Variants in LSM8 observed in about 807,000 individuals in gnomAD.
The protein encoded by LSM8 is LSM8 homolog, U6 small nuclear RNA associated, also known as LSM8 U6 small nuclear RNA associated.
LSM8 carries 14 observed loss-of-function variants against 15.0 expected under a neutral mutation model. That is an observed-to-expected ratio of 0.93 (90% CI 0.62 to 1.46). The LOEUF is 1.46. LSM8 is among the 40% of genes most tolerant of loss of function. The probability of loss-of-function intolerance (pLI) is 0.00; values close to 1 mark genes in which losing one functional copy is unlikely to be tolerated. For missense variants in LSM8, 90 were observed against 115.4 expected, an observed-to-expected ratio of 0.78 and a Z score of 1.01; for synonymous variants, 50 against 42.1, an observed-to-expected ratio of 1.19 and a Z score of -0.73.
Position 118,184,195 on chromosome 7 carries a change from C to G in LSM8, c.-29C>G. The G allele has an allele frequency of 1.3e-6, 2 of 1,543,436 alleles. No homozygotes were observed. Among genetic ancestry groups the G allele is most frequent in the Admixed American group, 2.0e-5 (1 of 50,468 alleles). ...GTTCTGCTTGCTGTCGGCACCGCTG[C>G]GTTACCCGGAACCGCCGGGCCGAAC... On this transcript the variant is annotated 5_prime_UTR_variant, in exon 1 of 4. Coordinates refer to ENST00000249299, the MANE Select transcript of LSM8 (RefSeq NM_016200.5).
rs936295118 is a variant in LSM8, at chr7:118,203,676, T to C, written c.*11674T>C. On this transcript the variant is annotated 3_prime_UTR_variant, in exon 4 of 4. Transcript: ENST00000249299. ...AAGTCATCTGCCAGATCTAACATGG[T>C]ATACTCTAATGGAAAAATCATCAAG... Among the ~76,000 whole-genome samples the C allele has an allele frequency of 1.3e-5, 2 of 151,844 alleles. No homozygotes were observed. The highest frequency in any genetic ancestry group is 4.8e-5 in the African/African-American group (2 of 41,410).
At position 118,192,013 on chromosome 7, in the gene LSM8, C is replaced by T; in HGVS notation, c.*11C>T. Reference sequence around the variant, plus strand: ...TCTGTAGCACACTGAGGAAAAACTACATACTTGGACATCTGTAAATCTTTG... The same window carrying T: ...TCTGTAGCACACTGAGGAAAAACTATATACTTGGACATCTGTAAATCTTTG... On this transcript the variant is annotated 3_prime_UTR_variant, in exon 4 of 4. Transcript: ENST00000249299. 6.4e-7 allele frequency: 1 copy of T among 1,565,826 alleles called. No individual in the cohort carries two copies.
rs1048525827 is a variant in LSM8 at position 118,198,896 on chromosome 7, C to T, written c.*6894C>T. On this transcript the variant is annotated 3_prime_UTR_variant, in exon 4 of 4. Coordinates refer to ENST00000249299, the MANE Select transcript of LSM8 (RefSeq NM_016200.5). The stretch of plus-strand genomic sequence containing the variant: ...CTGTTACAGTTTAAGCTCTGGGAAA[C>T]GAGATTCAGGAGCTAAGGTCAGTTA... 2.0e-5 allele frequency among the ~76,000 whole-genome samples: 3 copies of T among 152,238 alleles called. No homozygotes were observed. The highest frequency in any genetic ancestry group is 3.4e-3 in the Middle Eastern group (1 of 294).
rs1809137370 is a variant in LSM8 at position 118,199,604 on chromosome 7, C to T, written c.*7602C>T. 6.6e-6 allele frequency among the ~76,000 whole-genome samples: 1 copy of T among 151,974 alleles called. No homozygotes were observed. Among genetic ancestry groups the T allele is most frequent in the Non-Finnish European group, 1.5e-5 (1 of 68,000 alleles). On this transcript the variant is annotated 3_prime_UTR_variant, in exon 4 of 4. Coordinates refer to ENST00000249299, the MANE Select transcript of LSM8 (RefSeq NM_016200.5). Reference sequence around the variant, plus strand: ...GTGATTCTAACCTTTAAGGTTGGTGCCATGGAAGGAAAACAAGTAACTTTG... The same window carrying T: ...GTGATTCTAACCTTTAAGGTTGGTGTCATGGAAGGAAAACAAGTAACTTTG...
rs1474896377 is a variant in LSM8, at chr7:118,198,975, A to G, written c.*6973A>G. On this transcript the variant is annotated 3_prime_UTR_variant, in exon 4 of 4. Transcript: ENST00000249299. Reference sequence around the variant, plus strand: ...ACCCTCATAAAAACCCTGAACACCAAGGCTCAAGAGAGCTTATTAGCAATA... The same window carrying G: ...ACCCTCATAAAAACCCTGAACACCAGGGCTCAAGAGAGCTTATTAGCAATA... Among the ~76,000 whole-genome samples, 1 of 152,198 alleles carries G rather than the reference A, an allele frequency of 6.6e-6. No homozygotes were observed. The highest frequency in any genetic ancestry group is 1.9e-4 in the East Asian group (1 of 5,190).
rs147027567 is a variant in LSM8, at chr7:118,192,009, A to C, written c.*7A>C. 495 of 1,583,738 alleles carry C rather than the reference A, an allele frequency of 3.1e-4. No individual in the cohort carries two copies. The African/African-American group carries it at 5.9e-3, about 19-fold the overall frequency. ...AAATTCTGTAGCACACTGAGGAAAA[A>C]CTACATACTTGGACATCTGTAAATC... On this transcript the variant is annotated 3_prime_UTR_variant, in exon 4 of 4. Transcript: ENST00000249299.
At position 118,199,818 on chromosome 7, in the gene LSM8, G is replaced by T. The variant is rs141481387; in HGVS notation, c.*7816G>T. Reference sequence around the variant, plus strand: ...TGAAGATATGTATTGGGTGATATGAGAGCCCATAGGAGAGACATCTAAAGT... The same window carrying T: ...TGAAGATATGTATTGGGTGATATGATAGCCCATAGGAGAGACATCTAAAGT... On this transcript the variant is annotated 3_prime_UTR_variant, in exon 4 of 4. Coordinates refer to ENST00000249299, the MANE Select transcript of LSM8 (RefSeq NM_016200.5). Among the ~76,000 whole-genome samples, 310 of 152,238 alleles carry T rather than the reference G, an allele frequency of 2.0e-3. No homozygotes were observed. Among genetic ancestry groups the T allele is most frequent in the Middle Eastern group, 6.8e-3 (2 of 294 alleles).
intron 3 of LSM8, chr7:118,189,540 C>T (rs1338499847): frequency 1.3e-5 from 2 of 152,228 alleles, no homozygotes; most frequent in Non-Finnish European, 2.9e-5. Flanking sequence ...AAGAGCAAAA[C>T]TCCGTGTCAA....
rs1224981228 is a variant in LSM8 at position 118,199,482 on chromosome 7, G to GA, written c.*7481dup. The stretch of plus-strand genomic sequence containing the variant: ...GCTATTGCAGTAATTAAACTGAGCT[G>GA]ACACATTTTCATGTCAGATTTTCAG... On this transcript the variant is annotated 3_prime_UTR_variant, in exon 4 of 4. Coordinates refer to ENST00000249299, the MANE Select transcript of LSM8 (RefSeq NM_016200.5). Among the ~76,000 whole-genome samples, 1 of 152,106 alleles carries GA rather than the reference G, an allele frequency of 6.6e-6. No homozygotes were observed. The highest frequency in any genetic ancestry group is 1.5e-5 in the Non-Finnish European group (1 of 68,006).
Position 118,188,376 on chromosome 7 carries a change from A to G in LSM8, c.171A>G (p.Leu57=). ...CACAGGGGGTAGAACAAGTGGTACTAGGATTATACATTGTAAGAGGTGACA... is the reference window on the plus strand; with the variant it reads ...CACAGGGGGTAGAACAAGTGGTACTGGGATTATACATTGTAAGAGGTGACA... ...SSSQGVEQVV[L]GLYIVRGDNV... The change falls in exon 3 of 4, where the codon CTA becomes CTG. Residue 57 remains leucine (L), a synonymous_variant. Coordinates refer to ENST00000249299, the MANE Select transcript of LSM8 (RefSeq NM_016200.5). The G allele has an allele frequency of 6.2e-7, 1 of 1,612,722 alleles. No individual in the cohort carries two copies. Among genetic ancestry groups the G allele is most frequent in the South Asian group, 1.1e-5 (1 of 90,976 alleles).
chr7:118,201,178 CTGTT>C lies in LSM8; in HGVS notation c.*9177_*9180del, dbSNP rs1412698267. On this transcript the variant is annotated 3_prime_UTR_variant, in exon 4 of 4. Coordinates refer to ENST00000249299, the MANE Select transcript of LSM8 (RefSeq NM_016200.5). ...TTTACTGAATCAGATGTTTCATTAA[CTGTT>C]AGCAGTTATTTCGAGTTATTTATAT... is the stretch of plus-strand genomic sequence containing the variant. Among the ~76,000 whole-genome samples the C allele has an allele frequency of 6.6e-6, 1 of 152,008 alleles. No individual in the cohort carries two copies. The highest frequency in any genetic ancestry group is 1.5e-5 in the Non-Finnish European group (1 of 67,988).
At chr7:118,184,400 C>T in intron 1 of LSM8, 146 bp downstream of exon 1, 2 of 984,062 alleles carry the variant, frequency 2.0e-6, no homozygotes, top group South Asian at 2.4e-5. Context: ...CCAGAGTTCG[C>T]CGGCGGCGCC....
chr7:118,188,301 G>T lies in LSM8; in HGVS notation c.96G>T (p.Gln32His). The stretch of plus-strand genomic sequence containing the variant: ...AGGGAACACTGAAAGGTTTTGACCA[G>T]ACCATTAATTTGATTTTGGATGAAA... ...MIVGTLKGFD[Q>H]TINLILDESH... Residue 32 changes from glutamine (Q) to histidine (H), a missense_variant, in exon 3 of 4, where the codon CAG (glutamine) becomes CAT (histidine). Coordinates refer to ENST00000249299, the MANE Select transcript of LSM8 (RefSeq NM_016200.5). 6.2e-7 allele frequency: 1 copy of T among 1,613,694 alleles called. No homozygotes were observed. The highest frequency in any genetic ancestry group is 1.1e-5 in the South Asian group (1 of 91,060).
rs572267393 is a variant in LSM8, at chr7:118,200,332, CTA to C, written c.*8332_*8333del. ...AGGCAGAACTTGCTGAATTTGAAGA[CTA>C]TTAATGATGCAGCTCTCACTGGTAC... On this transcript the variant is annotated 3_prime_UTR_variant, in exon 4 of 4. Transcript: ENST00000249299. Among the ~76,000 whole-genome samples, 655 of 152,186 alleles carry C rather than the reference CTA, an allele frequency of 4.3e-3. 4 individuals are homozygous for C. Among genetic ancestry groups the C allele is most frequent in the Non-Finnish European group, 5.6e-3 (378 of 68,002 alleles).
intron 2 of LSM8, among the ~76,000 whole-genome samples, chr7:118,187,482 A>G (rs10274083): frequency 0.012 from 1,827 of 152,354 alleles, 38 homozygotes; most frequent in African/African-American, 0.041. Context: ...CATATGATAC[A>G]CATTAAACAA....
rs1049975258 is a variant in LSM8, at chr7:118,199,625, C to CT, written c.*7626dup. On this transcript the variant is annotated 3_prime_UTR_variant, in exon 4 of 4. Transcript: ENST00000249299. Reference sequence around the variant, plus strand: ...GGTGCCATGGAAGGAAAACAAGTAACTTTGCAACAATCTGTTCAACAATGA... The same window carrying CT: ...GGTGCCATGGAAGGAAAACAAGTAACTTTTGCAACAATCTGTTCAACAATGA... Among the ~76,000 whole-genome samples, 3 of 152,088 alleles carry CT rather than the reference C, an allele frequency of 2.0e-5. No individual in the cohort carries two copies. The highest frequency in any genetic ancestry group is 7.2e-5 in the African/African-American group (3 of 41,412).
intron 3 of LSM8, chr7:118,189,568 T>C (rs1342189154): frequency 1.3e-5 from 2 of 151,158 alleles, no homozygotes; most frequent in Admixed American, 6.6e-5. Context: ...AAAAGAAAAG[T>C]GGCTAATGTG....
rs1416897268 is a variant in LSM8, at chr7:118,193,129, A to C, written c.*1127A>C. Among the ~76,000 whole-genome samples, 1 of 152,124 alleles carries C rather than the reference A, an allele frequency of 6.6e-6. No homozygotes were observed. Among genetic ancestry groups the C allele is most frequent in the South Asian group, 2.1e-4 (1 of 4,832 alleles). ...TAGTTGGCAAGCTTTTTCTATGAAGATCCAGATAGTCTTTTAGGCTTTGAA... is the reference window on the plus strand; with the variant it reads ...TAGTTGGCAAGCTTTTTCTATGAAGCTCCAGATAGTCTTTTAGGCTTTGAA... On this transcript the variant is annotated 3_prime_UTR_variant, in exon 4 of 4. Coordinates refer to ENST00000249299, the MANE Select transcript of LSM8 (RefSeq NM_016200.5).
In LSM8 at chr7:118,194,063, G is replaced by T. The variant is rs1809034588; in HGVS notation, c.*2061G>T. Among the ~76,000 whole-genome samples, 1 of 152,112 alleles carries T rather than the reference G, an allele frequency of 6.6e-6. No homozygotes were observed. Among genetic ancestry groups the T allele is most frequent in the Non-Finnish European group, 1.5e-5 (1 of 67,970 alleles). On this transcript the variant is annotated 3_prime_UTR_variant, in exon 4 of 4. Transcript: ENST00000249299. ...TATTCCTGGATACAAGCACATGGTG[G>T]ACTGTTTTCTCACAACCGATTAAAA...
Sources: gnomAD v4.1 joint callset for allele counts (sites outside exome capture counted in the v4.1 genomes callset) on GRCh38, gnomAD v4.1.1 for gene constraint, MANE v1.5 for transcripts, NCBI Gene and HGNC (gene_info 2026-07-23, HGNC 2026-07-21) for gene names.